Variants in SS18 observed in about 807,000 individuals in gnomAD.
SS18 encodes the protein SS18 subunit of BAF chromatin remodeling complex.
SS18 carries 28 observed loss-of-function variants against 72.5 expected under a neutral mutation model. The observed-to-expected ratio is 0.39, with a 90% CI of 0.29 to 0.53. The LOEUF is 0.53. Among genes scored for constraint, SS18 ranks in the 20% least tolerant of loss-of-function variants. SS18 has a pLI of 0.76. For missense variants in SS18, 518 were observed against 535.3 expected (o/e 0.97, Z 0.32); for synonymous variants, 172 against 164.2 (o/e 1.05, Z -0.37).
At chr18:26,047,665 C>A (rs1156448739) in intron 5 of SS18, among the ~76,000 whole-genome samples, 1 of 151,926 alleles carries the variant, frequency 6.6e-6, no homozygotes, top group East Asian at 1.9e-4. Flanking sequence ...CACGGTGAAA[C>A]CCCGTCTCTA....
At chr18:26,060,596 C>A (rs547695837) in intron 3 of SS18, among the ~76,000 whole-genome samples, 1 of 151,234 alleles carries the variant, frequency 6.6e-6, no homozygotes, top group African/African-American at 2.4e-5. Flanking sequence ...AGAGAAATAA[C>A]AGAAAATTTA....
chr18:26,032,771 A>G (rs901225886), intron 9 of SS18, among the ~76,000 whole-genome samples: 3 of 152,208 alleles, frequency 2.0e-5, no homozygotes, highest in African/African-American at 4.8e-5. Flanking sequence ...ATTACAAAAT[A>G]TATTTCAAAA....
chr18:26,090,764 T>C (rs2054713628), upstream of SS18: 3 of 617,200 alleles, frequency 4.9e-6, no homozygotes, highest in Non-Finnish European at 8.5e-6. Flanking sequence ...CTGCGCACTC[T>C]GGGGGACCCC....
chr18:26,090,202 C>G (rs1397928608), intron 1 of SS18: 1 of 441,462 alleles, frequency 2.3e-6, no homozygotes, highest in African/African-American at 2.1e-5. Context: ...CGCCGCCGGG[C>G]GCACGCGCCC....
At chr18:26,029,164 G>A (rs899772433) in intron 10 of SS18, among the ~76,000 whole-genome samples, 7 of 152,168 alleles carry the variant, frequency 4.6e-5, no homozygotes, top group African/African-American at 1.7e-4. Context: ...CAGCAAATAG[G>A]CCAGTGTGAC....
intron 4 of SS18, among the ~76,000 whole-genome samples, chr18:26,056,351 G>C (rs1452152509): frequency 1.3e-5 from 2 of 152,220 alleles, no homozygotes; most frequent in Non-Finnish European, 2.9e-5. Context: ...TCTAAAAACA[G>C]TGTGTCCTGG....
chr18:26,084,827 A>G (rs1239739240), intron 2 of SS18, among the ~76,000 whole-genome samples: 2 of 152,166 alleles, frequency 1.3e-5, no homozygotes, highest in Admixed American at 1.3e-4. Context: ...CAAATACAAC[A>G]CCAGATCCTG....
At position 26,085,163 on chromosome 18, in the gene SS18, G is replaced by A. The variant is rs555623539; in HGVS notation, c.146+2338C>T. Among the ~76,000 whole-genome samples the A allele has an allele frequency of 2.3e-4, 35 of 152,266 alleles. 1 individual carries two copies. The highest frequency in any genetic ancestry group is 3.4e-3 in the Middle Eastern group (1 of 294). On this transcript the variant is annotated intron_variant, in intron 2 of 10. Transcript: ENST00000415083. Reference sequence around the variant, plus strand: ...CTATCTTTGAAACATTTTTGTAAGTGTGAAATTATTTCAAAACAAAAAGGC... The same window carrying A: ...CTATCTTTGAAACATTTTTGTAAGTATGAAATTATTTCAAAACAAAAAGGC...
In SS18 at chr18:26,018,130, T is replaced by C; in HGVS notation, c.*224A>G. ...ATGTCATTGCATTTTCTGTCCAATG[T>C]TGCCATCTAGAGTAGAAATGTGAAA... On this transcript the variant is annotated 3_prime_UTR_variant, in exon 11 of 11. Transcript: ENST00000415083. 2 of 425,510 alleles carry C rather than the reference T, an allele frequency of 4.7e-6. No homozygotes were observed. Among genetic ancestry groups the C allele is most frequent in the Non-Finnish European group, 8.4e-6 (2 of 237,564 alleles). The allele number at this position is 425,510 out of a possible 1,614,324, so 26.4% of individuals were successfully genotyped here.
chr18:26,038,992 AT>A (rs2053673738), intron 6 of SS18, among the ~76,000 whole-genome samples: 1 of 152,064 alleles, frequency 6.6e-6, no homozygotes, highest in South Asian at 2.1e-4. Flanking sequence ...GTGAAGTAAA[AT>A]TGGGTTTATT....
At chr18:26,082,665 T>G (rs1478098948) in intron 2 of SS18, 1 of 233,582 alleles carries the variant, frequency 4.3e-6, no homozygotes, top group Non-Finnish European at 7.0e-6. Flanking sequence ...TCCAGGCACA[T>G]GCGCTCCACA....
At chr18:26,066,287 T>C (rs2054214726) in intron 3 of SS18, among the ~76,000 whole-genome samples, 1 of 152,146 alleles carries the variant, frequency 6.6e-6, no homozygotes, top group Admixed American at 6.6e-5. Flanking sequence ...TGAAAAATGA[T>C]TGTGCAGTAT....
chr18:26,046,833 A>C (rs1011055454), intron 5 of SS18, among the ~76,000 whole-genome samples: 1 of 152,230 alleles, frequency 6.6e-6, no homozygotes, highest in Non-Finnish European at 1.5e-5. Flanking sequence ...ATGCACAGTG[A>C]CCAATCACTG....
intron 10 of SS18, among the ~76,000 whole-genome samples, chr18:26,031,640 A>G (rs1353050075): frequency 6.6e-6 from 1 of 152,202 alleles, no homozygotes; most frequent in Non-Finnish European, 1.5e-5. Flanking sequence ...GAGTTTAATG[A>G]CAAAAATAAG....
At chr18:26,034,849 G>T (rs946603556) in intron 9 of SS18, among the ~76,000 whole-genome samples, 156 bp downstream of exon 9, 3 of 152,084 alleles carry the variant, frequency 2.0e-5, no homozygotes, top group African/African-American at 7.2e-5. Flanking sequence ...TTATCTAAGA[G>T]CAACATTTTA....
chr18:26,031,344 T>G (rs999990014), intron 10 of SS18, among the ~76,000 whole-genome samples: 1 of 152,244 alleles, frequency 6.6e-6, no homozygotes, highest in African/African-American at 2.4e-5. Context: ...ATCAAAGAAC[T>G]GCTCATGCCT....
At chr18:26,076,327 A>G (rs1008862543) in intron 3 of SS18, among the ~76,000 whole-genome samples, 2 of 151,948 alleles carry the variant, frequency 1.3e-5, no homozygotes, top group Non-Finnish European at 2.9e-5. Context: ...TCATAAAAAC[A>G]GACCAAGGAA....
chr18:26,083,406 T>A (rs1401173040), intron 2 of SS18, among the ~76,000 whole-genome samples: 1 of 152,220 alleles, frequency 6.6e-6, no homozygotes, highest in Admixed American at 6.5e-5. Flanking sequence ...ATTCATCACT[T>A]AACAATGGGG....
Position 26,017,509 on chromosome 18 carries a change from G to C in SS18, c.*845C>G, listed in dbSNP as rs547028654. ...ATTAACACTTTCATTTTCAGTTATT[G>C]CTATTTTAGAAGAGGATTACCACTT... is the stretch of plus-strand genomic sequence containing the variant. On this transcript the variant is annotated 3_prime_UTR_variant, in exon 11 of 11. Transcript: ENST00000415083. 1.6e-4 allele frequency: 32 copies of C among 196,930 alleles called. No homozygotes were observed. The highest frequency in any genetic ancestry group is 6.1e-4 in the Admixed American group (10 of 16,524). 12.2% of individuals were successfully genotyped at this position (196,930 alleles called of 1,614,324 possible).
Sources: gnomAD v4.1 joint callset for allele counts (sites outside exome capture counted in the v4.1 genomes callset) on GRCh38, gnomAD v4.1.1 for gene constraint, MANE v1.5 for transcripts, NCBI Gene and HGNC (gene_info 2026-07-23, HGNC 2026-07-21) for gene names.